Variants in CSMD1 observed in about 807,000 individuals in gnomAD.
CSMD1 encodes CUB and Sushi multiple domains 1, also known as CUB and sushi domain-containing protein 1.
Under a neutral mutation model 417.5 loss-of-function variants are expected in CSMD1, and 213 were observed. The ratio of observed to expected loss-of-function variants is 0.51; its 90% CI spans 0.46 to 0.57. CSMD1 has a LOEUF of 0.57. CSMD1 is among the 20% of genes least tolerant of loss of function. The pLI is 0.00. For synonymous variants in CSMD1, 2,862 were observed against 1,736.8 expected (o/e 1.65, Z -16.11); for missense variants, 6,923 against 4,529.7 (o/e 1.53, Z -15.17).
At chr8:4,471,340 G>A (rs537109107) in intron 2 of CSMD1, among the ~76,000 whole-genome samples, 3 of 152,042 alleles carry the variant, frequency 2.0e-5, no homozygotes, top group Admixed American at 6.5e-5. Flanking sequence ...TCACTATATC[G>A]CAGCTTATTT....
At chr8:3,757,827 T>G (rs894019037) in intron 5 of CSMD1, among the ~76,000 whole-genome samples, 2 of 149,260 alleles carry the variant, frequency 1.3e-5, no homozygotes, top group East Asian at 4.1e-4. Flanking sequence ...CCAGCCTGGG[T>G]GAAAAGAGCG....
At chr8:3,723,203 G>C (rs1439521085) in intron 6 of CSMD1, among the ~76,000 whole-genome samples, 2 of 152,266 alleles carry the variant, frequency 1.3e-5, no homozygotes, top group East Asian at 1.9e-4. Flanking sequence ...AGGGAAGCTT[G>C]TGGCCATGGA....
intron 10 of CSMD1, among the ~76,000 whole-genome samples, chr8:3,534,869 A>G (rs1002624436): frequency 1.3e-5 from 2 of 152,214 alleles, no homozygotes; most frequent in Non-Finnish European, 2.9e-5. Flanking sequence ...TTCATCAACC[A>G]TCTGGGAGCT....
intron 18 of CSMD1, among the ~76,000 whole-genome samples, chr8:3,374,723 G>A (rs1321358179): frequency 6.6e-6 from 1 of 152,082 alleles, no homozygotes; most frequent in African/African-American, 2.4e-5. Flanking sequence ...TGTCTGCTGA[G>A]GTTTCTCTGC....
chr8:3,523,255 T>C (rs141984292), intron 10 of CSMD1, among the ~76,000 whole-genome samples: 2 of 152,162 alleles, frequency 1.3e-5, no homozygotes, highest in South Asian at 2.1e-4. Flanking sequence ...ATCTACCATA[T>C]AGGATTTAAA....
intron 1 of CSMD1, among the ~76,000 whole-genome samples, chr8:4,843,240 G>A (rs920172123): frequency 2.0e-5 from 3 of 152,046 alleles, no homozygotes; most frequent in Non-Finnish European, 2.9e-5. Context: ...GTGATTCTAG[G>A]GGAATACGAT....
intron 1 of CSMD1, among the ~76,000 whole-genome samples, chr8:4,865,392 G>A (rs1346437095): frequency 6.6e-6 from 1 of 151,812 alleles, no homozygotes; most frequent in Non-Finnish European, 1.5e-5. Context: ...TATAACTGAT[G>A]ACTTTGAGTA....
At chr8:3,074,210 G>C (rs1484244089) in intron 49 of CSMD1, among the ~76,000 whole-genome samples, 1 of 152,192 alleles carries the variant, frequency 6.6e-6, no homozygotes, top group Non-Finnish European at 1.5e-5. Context: ...CATCTTCCAA[G>C]ACAGCTACAA....
intron 3 of CSMD1, among the ~76,000 whole-genome samples, chr8:4,163,153 C>T (rs1011413099): frequency 6.6e-6 from 1 of 152,208 alleles, no homozygotes; most frequent in Non-Finnish European, 1.5e-5. Context: ...ACTTTGGTTG[C>T]TTCCAGATTT....
intron 3 of CSMD1, among the ~76,000 whole-genome samples, chr8:4,135,338 GAAGGAAGGAA>G (rs1405208522): frequency 6.0e-5 from 3 of 49,884 alleles, no homozygotes; most frequent in South Asian, 6.2e-4. Context: ...GAAGGGGAAA[GAAGGAAGGAA>G]GGGAAAGGAG....
intron 5 of CSMD1, among the ~76,000 whole-genome samples, chr8:3,803,788 A>G (rs1227792376): frequency 6.6e-6 from 1 of 152,202 alleles, no homozygotes; most frequent in Non-Finnish European, 1.5e-5. Context: ...TTTGGAAAAT[A>G]TCTTTCTGCC....
intron 5 of CSMD1, among the ~76,000 whole-genome samples, chr8:3,803,116 CTG>C (rs1800547407): frequency 6.6e-6 from 1 of 152,166 alleles, no homozygotes; most frequent in South Asian, 2.1e-4. Flanking sequence ...CTCCATCATG[CTG>C]TCTCTTTGAA....
chr8:3,230,059 T>G lies in CSMD1; in HGVS notation c.4326A>C (p.Pro1442=), dbSNP rs1798741127. The change falls in exon 27 of 70, where the codon CCA becomes CCC. Residue 1442 remains proline (P), a synonymous_variant. Coordinates refer to ENST00000635120, the MANE Select transcript of CSMD1 (RefSeq NM_033225.6). ...VQLNNRFFWQ[P]DPPTCIAACG... ...TGATACCTATGCATGTAGGAGGGTCTGGTTGCCAAAAGAACCGGTTATTCA... is the reference window on the plus strand; with the variant it reads ...TGATACCTATGCATGTAGGAGGGTCGGGTTGCCAAAAGAACCGGTTATTCA... The G allele has an allele frequency of 2.5e-6, 4 of 1,607,708 alleles. No individual in the cohort carries two copies. The highest frequency in any genetic ancestry group is 1.7e-4 in the Middle Eastern group (1 of 6,032).
chr8:4,376,524 T>G (rs77962414), intron 3 of CSMD1, among the ~76,000 whole-genome samples: 3,722 of 152,264 alleles, frequency 0.024, 146 homozygotes, highest in African/African-American at 0.085. Context: ...CACAGTATAT[T>G]TAATCAATTT....
At chr8:4,609,949 A>G (rs982372944) in intron 2 of CSMD1, among the ~76,000 whole-genome samples, 1 of 152,152 alleles carries the variant, frequency 6.6e-6, no homozygotes, top group Non-Finnish European at 1.5e-5. Flanking sequence ...TATGCTGGCT[A>G]TTAAACTACC....
chr8:3,406,941 G>C (rs1373221013), intron 14 of CSMD1, among the ~76,000 whole-genome samples: 1 of 152,118 alleles, frequency 6.6e-6, no homozygotes, highest in Admixed American at 6.6e-5. Flanking sequence ...ATATTACACA[G>C]TTGTTTTTAC....
chr8:3,843,202 C>G (rs1161234020), intron 5 of CSMD1, among the ~76,000 whole-genome samples: 2 of 152,016 alleles, frequency 1.3e-5, no homozygotes, highest in East Asian at 3.9e-4. Context: ...TCCTTGAAAA[C>G]CTTGCTTTCC....
chr8:3,371,103 C>T, intron 18 of CSMD1, among the ~76,000 whole-genome samples: 1 of 152,186 alleles, frequency 6.6e-6, no homozygotes, highest in East Asian at 1.9e-4. Flanking sequence ...ATCTTCAGCT[C>T]CCCTGGTTCC....
chr8:3,262,901 T>C (rs1351480914), intron 26 of CSMD1, among the ~76,000 whole-genome samples: 1 of 152,176 alleles, frequency 6.6e-6, no homozygotes, highest in Non-Finnish European at 1.5e-5. Context: ...GAATGTGAAC[T>C]TCATTGCAAG....
Sources: gnomAD v4.1 joint callset for allele counts (sites outside exome capture counted in the v4.1 genomes callset) on GRCh38, gnomAD v4.1.1 for gene constraint, MANE v1.5 for transcripts, NCBI Gene and HGNC (gene_info 2026-07-23, HGNC 2026-07-21) for gene names.